The following MGMT variants were observed in gnomAD, a reference collection of about 807,000 sequenced individuals.
MGMT encodes methylated-DNA--protein-cysteine methyltransferase.
MGMT carries 14 observed loss-of-function variants against 15.9 expected under a neutral mutation model. The ratio of observed to expected loss-of-function variants is 0.88; its 90% CI spans 0.58 to 1.37. The LOEUF is 1.37. Ranked by LOEUF, MGMT falls within the 40% of genes most tolerant of loss-of-function variation. The probability of loss-of-function intolerance (pLI) is 0.00; values close to 1 mark genes in which losing one functional copy is unlikely to be tolerated. For synonymous variants in MGMT, 130 were observed against 118.2 expected (o/e 1.10, Z -0.65); for missense variants, 282 against 268.1 (o/e 1.05, Z -0.36).
At position 129,680,722 on chromosome 10, in the gene MGMT, G is replaced by A. The variant is rs936270556; in HGVS notation, c.126-27173G>A. Among the ~76,000 whole-genome samples the A allele has an allele frequency of 5.9e-5, 9 of 152,274 alleles. No individual in the cohort carries two copies. In the East Asian group the frequency reaches 1.4e-3, roughly 23 times the overall value. On this transcript the variant is annotated intron_variant, in intron 2 of 4. Transcript: ENST00000651593. ...TCGTCAGGTATTTCCTCAGGTACCC[G>A]CTCTGGGAAGCCTTCCCTGACCCTC...
In MGMT at chr10:129,533,799, G is replaced by A. The variant is rs1845957652; in HGVS notation, c.-12-2442G>A. Among the ~76,000 whole-genome samples, 1 of 152,210 alleles carries A rather than the reference G, an allele frequency of 6.6e-6. No individual in the cohort carries two copies. Among genetic ancestry groups the A allele is most frequent in the African/African-American group, 2.4e-5 (1 of 41,452 alleles). ...GAGAAGCAGTGGCCCGGGATGGTGG[G>A]AGATGTCTGCAGGCGCAGGGCGGAG... On this transcript the variant is annotated intron_variant, in intron 1 of 4. Transcript: ENST00000651593. The surrounding 1 kb of genome is among the most constrained non-coding windows in gnomAD (Gnocchi z 4.5).
intron 1 of MGMT, among the ~76,000 whole-genome samples, chr10:129,498,364 C>T (rs778662605): frequency 1.3e-5 from 2 of 152,204 alleles, no homozygotes; most frequent in Non-Finnish European, 2.9e-5. Context: ...ACCCACTCAT[C>T]TTAGTGACCG....
intron 3 of MGMT, among the ~76,000 whole-genome samples, chr10:129,741,937 T>C (rs1271489955): frequency 1.3e-5 from 2 of 152,216 alleles, no homozygotes; most frequent in Non-Finnish European, 2.9e-5. Context: ...GCTCTGAGCC[T>C]AGTGCTCCTT....
chr10:129,658,751 G>A (rs1488389427), intron 2 of MGMT, among the ~76,000 whole-genome samples: 1 of 152,206 alleles, frequency 6.6e-6, no homozygotes, highest in African/African-American at 2.4e-5. Flanking sequence ...GTATTAACCT[G>A]ATTGGCTAGC....
intron 2 of MGMT, chr10:129,701,924 G>T (rs74160268): frequency 6.6e-6 from 1 of 152,324 alleles, no homozygotes; most frequent in East Asian, 1.9e-4. Flanking sequence ...TAGGGAGGAC[G>T]CTTTTCCCTG....
chr10:129,767,297 C>T lies in MGMT; in HGVS notation c.*300C>T, dbSNP rs1267412821. ...GCCCAGGATGGGGCAGTCTGGCACC[C>T]TCAGGCCACAGACGGCTGCCATAGC... On this transcript the variant is annotated 3_prime_UTR_variant, in exon 5 of 5. Coordinates refer to ENST00000651593, the MANE Select transcript of MGMT (RefSeq NM_002412.5). 2.4e-5 allele frequency: 6 copies of T among 245,656 alleles called. No homozygotes were observed. Among genetic ancestry groups the T allele is most frequent in the African/African-American group, 1.4e-4 (6 of 44,250 alleles). The allele number at this position is 245,656 out of a possible 1,614,324, so 15.2% of individuals were successfully genotyped here.
chr10:129,686,717 G>A (rs754807600), intron 2 of MGMT, among the ~76,000 whole-genome samples: 1 of 152,130 alleles, frequency 6.6e-6, no homozygotes, highest in Non-Finnish European at 1.5e-5. Context: ...CACCTGTCCT[G>A]GACGGTATTT....
intron 1 of MGMT, among the ~76,000 whole-genome samples, chr10:129,523,224 C>T (rs985990584): frequency 1.3e-5 from 2 of 152,180 alleles, no homozygotes; most frequent in South Asian, 2.1e-4. Context: ...CGGGCACAGG[C>T]GGGAGACCCG....
chr10:129,555,489 T>G (rs1846202872), intron 2 of MGMT, among the ~76,000 whole-genome samples: 1 of 152,050 alleles, frequency 6.6e-6, no homozygotes, highest in South Asian at 2.1e-4. Context: ...GGCAAGAGAC[T>G]CACTTGAGGC....
chr10:129,595,843 C>T (rs1846745232), intron 2 of MGMT, among the ~76,000 whole-genome samples: 1 of 152,086 alleles, frequency 6.6e-6, no homozygotes, highest in South Asian at 2.1e-4. Context: ...GTCTTGCACT[C>T]AAGCAGAGGA....
intron 1 of MGMT, among the ~76,000 whole-genome samples, chr10:129,471,898 T>C (rs539894347): frequency 6.6e-6 from 1 of 152,354 alleles, no homozygotes; most frequent in South Asian, 2.1e-4. Flanking sequence ...GAGTACGGTT[T>C]TGTAACTCCT....
intron 3 of MGMT, among the ~76,000 whole-genome samples, chr10:129,737,383 G>A (rs1437090603): frequency 5.9e-5 from 9 of 151,886 alleles, no homozygotes; most frequent in South Asian, 4.1e-4. Context: ...CGTAGTTCTC[G>A]AGCCTTGGTT....
At chr10:129,641,030 A>T (rs190719060) in intron 2 of MGMT, among the ~76,000 whole-genome samples, 42 of 152,362 alleles carry the variant, frequency 2.8e-4, no homozygotes, top group Admixed American at 2.0e-3. Flanking sequence ...GGTCCTAGCC[A>T]GTCCAGTACA....
intron 3 of MGMT, among the ~76,000 whole-genome samples, chr10:129,740,807 G>A (rs540676921): frequency 1.1e-4 from 16 of 152,266 alleles, no homozygotes; most frequent in African/African-American, 3.6e-4. Flanking sequence ...GATGATGGGG[G>A]ACCTTGAGGA....
At chr10:129,596,678 G>A (rs1009511775) in intron 2 of MGMT, among the ~76,000 whole-genome samples, 2 of 152,190 alleles carry the variant, frequency 1.3e-5, no homozygotes, top group South Asian at 2.1e-4. Flanking sequence ...GATTGCACCT[G>A]CTTTTGATGC....
At chr10:129,716,395 A>G (rs1420640176) in intron 3 of MGMT, among the ~76,000 whole-genome samples, 3 of 152,216 alleles carry the variant, frequency 2.0e-5, no homozygotes, top group African/African-American at 7.2e-5. Context: ...GGAATTGTCC[A>G]TAGTCTTCCA....
chr10:129,537,380 T>G (rs1315950375), intron 2 of MGMT, among the ~76,000 whole-genome samples: 2 of 152,212 alleles, frequency 1.3e-5, no homozygotes, highest in African/African-American at 2.4e-5. Context: ...CAATATAGTC[T>G]TTTTGAGACC....
chr10:129,657,408 TG>T (rs199898493), intron 2 of MGMT, among the ~76,000 whole-genome samples: 5,116 of 63,916 alleles, frequency 0.08, 92 homozygotes, highest in South Asian at 0.17. Context: ...ATTGTGGGGG[TG>T]GGGGGGGGAG....
chr10:129,638,880 A>G (rs1018953384), intron 2 of MGMT, among the ~76,000 whole-genome samples: 1 of 152,218 alleles, frequency 6.6e-6, no homozygotes, highest in Non-Finnish European at 1.5e-5. Flanking sequence ...ATGGATGGAA[A>G]GAAGCATGTC....
Sources: allele counts gnomAD v4.1 joint callset (sites outside exome capture counted in the v4.1 genomes callset), GRCh38; gene constraint gnomAD v4.1.1; non-coding constraint Gnocchi (gnomAD v3.1); transcripts MANE v1.5; gene names NCBI Gene and HGNC (gene_info 2026-07-23, HGNC 2026-07-21).